Variants in SCAMP1 observed in about 807,000 individuals in gnomAD.
SCAMP1 encodes secretory carrier membrane protein 1, also known as secretory carrier-associated membrane protein 1.
Under a neutral mutation model 41.8 loss-of-function variants are expected in SCAMP1, and 15 were observed. The ratio of observed to expected loss-of-function variants is 0.36; its 90% CI spans 0.24 to 0.55. The LOEUF (loss-of-function observed/expected upper bound fraction) is 0.55. SCAMP1 is among the 20% of genes least tolerant of loss of function. The probability of loss-of-function intolerance (pLI) is 0.86; values close to 1 mark genes in which losing one functional copy is unlikely to be tolerated. For synonymous variants in SCAMP1, 135 were observed against 136.8 expected (o/e 0.99, Z 0.09); for missense variants, 341 against 412.6 (o/e 0.83, Z 1.50).
intron 2 of SCAMP1, among the ~76,000 whole-genome samples, chr5:78,398,138 A>G (rs1335814478): frequency 6.6e-6 from 1 of 152,188 alleles, no homozygotes; most frequent in Non-Finnish European, 1.5e-5. Context: ...TCCACATCAA[A>G]ACCAGTACAC....
At chr5:78,372,408 T>C (rs1307436928) in intron 1 of SCAMP1, among the ~76,000 whole-genome samples, 1 of 152,154 alleles carries the variant, frequency 6.6e-6, no homozygotes, top group Non-Finnish European at 1.5e-5. Context: ...TTGTAGTATG[T>C]AGCACCAAAC....
At chr5:78,407,278 T>G (rs1751957623) in intron 2 of SCAMP1, among the ~76,000 whole-genome samples, 1 of 152,206 alleles carries the variant, frequency 6.6e-6, no homozygotes. Flanking sequence ...TATTTATTGT[T>G]ATTATTTCAT....
intron 2 of SCAMP1, among the ~76,000 whole-genome samples, chr5:78,399,735 G>A (rs1213661982): frequency 6.6e-6 from 1 of 152,152 alleles, no homozygotes; most frequent in Non-Finnish European, 1.5e-5. Flanking sequence ...TTTTCTCCCA[G>A]TCTGTGGTTT....
chr5:78,425,096 G>C (rs943355809), intron 6 of SCAMP1, among the ~76,000 whole-genome samples: 1 of 151,962 alleles, frequency 6.6e-6, no homozygotes, highest in African/African-American at 2.4e-5. Context: ...AACTTTTTTT[G>C]GACCCTCTTA....
chr5:78,469,913 C>CAAAAAAAAAAAAAAAAAAAAAAAAAAA lies in SCAMP1; in HGVS notation c.853-5572_853-5571insAAAAAAAAAAAAAAAAAAAAAAAAAAA, dbSNP rs1561290939. Among the ~76,000 whole-genome samples the CAAAAAAAAAAAAAAAAAAAAAAAAAAA allele has an allele frequency of 9.0e-4, 21 of 23,234 alleles. 2 individuals are homozygous for CAAAAAAAAAAAAAAAAAAAAAAAAAAA. Among genetic ancestry groups the CAAAAAAAAAAAAAAAAAAAAAAAAAAA allele is most frequent in the Admixed American group, 1.7e-3 (4 of 2,372 alleles). The allele number at this position is 23,234 out of a possible 152,430, so 15.2% of individuals were successfully genotyped here. ...ATTAAAAAAAAAAAAAAAAAAAAAA[C>CAAAAAAAAAAAAAAAAAAAAAAAAAAA]AAAAAAAAAAAAAAAAAAACAACAA... is the stretch of plus-strand genomic sequence containing the variant. On this transcript the variant is annotated intron_variant, in intron 8 of 8. Transcript: ENST00000621999.
chr5:78,423,016 G>GCACACACACA (rs57059961), intron 6 of SCAMP1, among the ~76,000 whole-genome samples: 9 of 33,404 alleles, frequency 2.7e-4, no homozygotes, highest in African/African-American at 6.1e-4. Context: ...ACGCGCGCGC[G>GCACACACACA]CACACACACA....
chr5:78,473,482 T>C (rs1753933939), intron 8 of SCAMP1, among the ~76,000 whole-genome samples: 2 of 152,138 alleles, frequency 1.3e-5, no homozygotes, highest in Admixed American at 1.3e-4. Flanking sequence ...AATTTCAAGT[T>C]TTATTTTAGA....
chr5:78,413,279 C>T (rs1424436770), intron 2 of SCAMP1, among the ~76,000 whole-genome samples: 1 of 152,038 alleles, frequency 6.6e-6, no homozygotes, highest in African/African-American at 2.4e-5. Context: ...GTTTCTGTGT[C>T]TGTTTTGTTT....
At chr5:78,372,160 G>A (rs920638363) in intron 1 of SCAMP1, among the ~76,000 whole-genome samples, 4 of 152,088 alleles carry the variant, frequency 2.6e-5, no homozygotes, top group Admixed American at 2.0e-4. Flanking sequence ...ACATGCTAAC[G>A]GCAGCCATTT....
intron 7 of SCAMP1, among the ~76,000 whole-genome samples, chr5:78,453,075 C>T (rs1753283010): frequency 6.7e-6 from 1 of 149,064 alleles, no homozygotes; most frequent in African/African-American, 2.5e-5. Flanking sequence ...ATTGTAGATT[C>T]TGGATATTAG....
chr5:78,425,100 C>A (rs1752433309), intron 6 of SCAMP1, among the ~76,000 whole-genome samples: 2 of 151,866 alleles, frequency 1.3e-5, no homozygotes, highest in African/African-American at 2.4e-5. Context: ...TTTTTTGGAC[C>A]CTCTTAGATT....
At chr5:78,384,694 T>TTG (rs1554041582) in intron 1 of SCAMP1, among the ~76,000 whole-genome samples, 4 of 152,052 alleles carry the variant, frequency 2.6e-5, no homozygotes, top group African/African-American at 7.2e-5. Flanking sequence ...TGCTTTTTTT[T>TTG]GTCTATTGAG....
In SCAMP1 at chr5:78,447,592, A is replaced by T. The variant is rs183913856; in HGVS notation, c.633-2341A>T. Among the ~76,000 whole-genome samples the T allele has an allele frequency of 2.1e-4, 32 of 152,314 alleles. 1 individual carries two copies. Among genetic ancestry groups the T allele is most frequent in the Middle Eastern group, 3.4e-3 (1 of 294 alleles). On this transcript the variant is annotated intron_variant, in intron 6 of 8. Coordinates refer to ENST00000621999, the MANE Select transcript of SCAMP1 (RefSeq NM_004866.6). ...CATACTTGATATGATATTTTAAAAAATTAACTCAAAAAAGAACATAGACTT... is the reference window on the plus strand; with the variant it reads ...CATACTTGATATGATATTTTAAAAATTTAACTCAAAAAAGAACATAGACTT...
intron 6 of SCAMP1, among the ~76,000 whole-genome samples, chr5:78,438,922 G>T (rs558413139): frequency 1.3e-5 from 2 of 152,232 alleles, no homozygotes; most frequent in African/African-American, 4.8e-5. Context: ...TATATATTTA[G>T]GATAGTTAGC....
chr5:78,460,796 C>CTTTCTTTCTTTCTTTCTTTCTTTCTTT (rs1202054068), intron 8 of SCAMP1, among the ~76,000 whole-genome samples: 9 of 35,712 alleles, frequency 2.5e-4, no homozygotes, highest in East Asian at 8.9e-4. Context: ...TTCCTTCCTT[C>CTTTCTTTCTTTCTTTCTTTCTTTCTTT]CTTCCTTCCT....
At chr5:78,473,092 G>T (rs567114774) in intron 8 of SCAMP1, among the ~76,000 whole-genome samples, 1 of 152,078 alleles carries the variant, frequency 6.6e-6, no homozygotes, top group Non-Finnish European at 1.5e-5. Flanking sequence ...TTTTAAAAGG[G>T]AATAAAAATA....
intron 6 of SCAMP1, among the ~76,000 whole-genome samples, chr5:78,442,378 C>T (rs945887585): frequency 6.6e-6 from 1 of 152,148 alleles, no homozygotes; most frequent in Admixed American, 6.5e-5. Flanking sequence ...TCAAGCAGTT[C>T]TCCTGTCTCA....
At chr5:78,422,331 T>A (rs62362634) in intron 6 of SCAMP1, among the ~76,000 whole-genome samples, 2 of 141,420 alleles carry the variant, frequency 1.4e-5, no homozygotes, top group East Asian at 2.0e-4. Context: ...TTTTTTTTTT[T>A]AAATTAACCT....
At chr5:78,361,824 T>C (rs1274238874) in intron 1 of SCAMP1, among the ~76,000 whole-genome samples, 1 of 152,244 alleles carries the variant, frequency 6.6e-6, no homozygotes, top group Non-Finnish European at 1.5e-5. Context: ...TTCTGGCTTG[T>C]TGAGTTTACA....
Sources: gnomAD v4.1 joint callset for allele counts (sites outside exome capture counted in the v4.1 genomes callset) on GRCh38, gnomAD v4.1.1 for gene constraint, MANE v1.5 for transcripts, NCBI Gene and HGNC (gene_info 2026-07-23, HGNC 2026-07-21) for gene names.